Variants in BMP2K observed in about 807,000 individuals in gnomAD.
BMP2K encodes BMP2 inducible kinase.
Under a neutral mutation model 116.0 loss-of-function variants are expected in BMP2K, and 74 were observed. That is an observed-to-expected ratio of 0.64 (90% CI 0.53 to 0.77). The LOEUF is 0.77. Among genes scored for constraint, BMP2K ranks in the 30% least tolerant of loss-of-function variants. BMP2K has a pLI of 0.00. For synonymous variants in BMP2K, 486 were observed against 502.5 expected, an observed-to-expected ratio of 0.97 and a Z score of 0.44; for missense variants, 1,365 against 1,403.6, an observed-to-expected ratio of 0.97 and a Z score of 0.44.
chr4:78,790,992 T>C (rs1449178704), intron 1 of BMP2K, among the ~76,000 whole-genome samples: 1 of 152,186 alleles, frequency 6.6e-6, no homozygotes, highest in African/African-American at 2.4e-5. Context: ...ATCTTTTCTC[T>C]CCCATTCTTT....
chr4:78,877,088 G>A (rs552974603), intron 13 of BMP2K, among the ~76,000 whole-genome samples: 1 of 152,276 alleles, frequency 6.6e-6, no homozygotes, highest in African/African-American at 2.4e-5. Context: ...CATGAATGGA[G>A]CTTAGAGGAC....
chr4:78,841,130 C>T (rs1484722171), intron 3 of BMP2K, among the ~76,000 whole-genome samples: 3 of 152,052 alleles, frequency 2.0e-5, no homozygotes, highest in South Asian at 2.1e-4. Flanking sequence ...GTTCTTTTTG[C>T]TTTAAAATTC....
intron 3 of BMP2K, among the ~76,000 whole-genome samples, chr4:78,841,546 C>G (rs1458364719): frequency 2.0e-5 from 3 of 152,088 alleles, no homozygotes; most frequent in Non-Finnish European, 2.9e-5. Flanking sequence ...CATTTTGACT[C>G]TTTTGATTCC....
At chr4:78,828,369 GCA>G (rs1241461559) in intron 2 of BMP2K, among the ~76,000 whole-genome samples, 1 of 152,166 alleles carries the variant, frequency 6.6e-6, no homozygotes, top group East Asian at 1.9e-4. Flanking sequence ...GCCTCCGTGG[GCA>G]CACCTCCCTC....
intron 15 of BMP2K, among the ~76,000 whole-genome samples, chr4:78,888,347 C>T (rs1490932847): frequency 1.3e-5 from 2 of 152,068 alleles, no homozygotes; most frequent in African/African-American, 4.8e-5. Flanking sequence ...TCCCTTATAC[C>T]CCCAATACCC....
intron 3 of BMP2K, among the ~76,000 whole-genome samples, chr4:78,834,210 G>A (rs1306389648): frequency 2.0e-5 from 3 of 150,876 alleles, no homozygotes; most frequent in African/African-American, 7.3e-5. Context: ...ATATTTACTT[G>A]TATAGCATAC....
At chr4:78,818,936 A>G (rs1371721784) in intron 1 of BMP2K, among the ~76,000 whole-genome samples, 4 of 151,950 alleles carry the variant, frequency 2.6e-5, no homozygotes, top group Non-Finnish European at 5.9e-5. Context: ...TGTTGGGATT[A>G]CAAGTGCATG....
At chr4:78,799,128 G>T (rs1054894181) in intron 1 of BMP2K, among the ~76,000 whole-genome samples, 2 of 152,172 alleles carry the variant, frequency 1.3e-5, no homozygotes, top group Non-Finnish European at 1.5e-5. Context: ...CTGAGGCCAG[G>T]TTCCCTTAGA....
At position 78,870,918 on chromosome 4, in the gene BMP2K, G is replaced by A. The variant is rs374800739; in HGVS notation, c.1367G>A (p.Arg456His). The change falls in exon 11 of 16, where the codon CGT becomes CAT. Residue 456 changes from arginine to histidine, a missense_variant. By Grantham distance (29) the Arg-to-His change is conservative. Transcript: ENST00000502613. Reference protein sequence around the residue: ...WRLQQLHLQHRHPHQQQQQQQ... With the variant: ...WRLQQLHLQHHHPHQQQQQQQ... ...TTACAGCAACTCCATTTACAGCATC[G>A]TCATCCTCACCAGCAGCAGCAGCAG... 39 of 1,610,748 alleles carry A rather than the reference G, an allele frequency of 2.4e-5. No individual in the cohort carries two copies. Among genetic ancestry groups the A allele is most frequent in the Non-Finnish European group, 3.3e-5 (39 of 1,179,366 alleles).
chr4:78,822,392 G>A (rs941656566), intron 1 of BMP2K, among the ~76,000 whole-genome samples: 1 of 151,920 alleles, frequency 6.6e-6, no homozygotes, highest in African/African-American at 2.4e-5. Flanking sequence ...TAAAGAATAT[G>A]CCTATGAATG....
intron 2 of BMP2K, among the ~76,000 whole-genome samples, chr4:78,826,901 T>C (rs551381151): frequency 1.0e-3 from 155 of 152,328 alleles, no homozygotes; most frequent in Admixed American, 3.1e-3. Flanking sequence ...CAAATACTGC[T>C]GGAGCCTTCT....
At chr4:78,825,392 G>C (rs905904856) in intron 1 of BMP2K, among the ~76,000 whole-genome samples, 1 of 152,126 alleles carries the variant, frequency 6.6e-6, no homozygotes. Context: ...ATAGATGACT[G>C]CATTAGGGCT....
At chr4:78,873,334 A>T (rs532947629) in intron 13 of BMP2K, among the ~76,000 whole-genome samples, 1 of 152,236 alleles carries the variant, frequency 6.6e-6, no homozygotes, top group African/African-American at 2.4e-5. Context: ...TAGTAGCGTT[A>T]TAAATTAAAT....
At chr4:78,867,590 C>T (rs1327858869) in intron 10 of BMP2K, among the ~76,000 whole-genome samples, 1 of 152,030 alleles carries the variant, frequency 6.6e-6, no homozygotes, top group Non-Finnish European at 1.5e-5. Context: ...AAAATTAACA[C>T]GTGAGTATTG....
In BMP2K at chr4:78,914,597, T is replaced by C. The variant is rs569805135; in HGVS notation, c.*2564T>C. ...TTATGAGAATAAAGCTCCCAAGATA[T>C]GTGAAAGTGCTTAACACAGTACCTG... On this transcript the variant is annotated 3_prime_UTR_variant, in exon 16 of 16. Coordinates refer to ENST00000502613, the MANE Select transcript of BMP2K (RefSeq NM_198892.2). 2 of 152,080 alleles carry C rather than the reference T, an allele frequency of 1.3e-5. No homozygotes were observed. The highest frequency in any genetic ancestry group is 2.1e-4 in the South Asian group (1 of 4,826). The allele number at this position is 152,080 out of a possible 1,614,324, so 9.4% of individuals were successfully genotyped here.
chr4:78,850,661 T>C (rs925717375), intron 6 of BMP2K, among the ~76,000 whole-genome samples: 2 of 151,922 alleles, frequency 1.3e-5, no homozygotes, highest in African/African-American at 4.8e-5. Context: ...GTTTAATTTT[T>C]TTCCAAAAAG....
intron 6 of BMP2K, among the ~76,000 whole-genome samples, chr4:78,847,730 G>T (rs1405227615): frequency 9.2e-5 from 14 of 151,522 alleles, no homozygotes. Flanking sequence ...TATATTGAGG[G>T]TCTTTATCAT....
rs368925933 is a variant in BMP2K at position 78,910,908 on chromosome 4, C to T, written c.2361C>T (p.Leu787=). The change falls in exon 16 of 16, where the codon CTC becomes CTT. Residue 787 remains leucine (L), a synonymous_variant. Coordinates refer to ENST00000502613, the MANE Select transcript of BMP2K (RefSeq NM_198892.2). ...CAGAAAATCTGGGTCATAGGCCTCT[C>T]CTCATGGATTCTGAAGATGAGGAAG... ...TEPENLGHRP[L]LMDSEDEEEE... 1 of 1,613,774 alleles carries T rather than the reference C, an allele frequency of 6.2e-7. No homozygotes were observed. The highest frequency in any genetic ancestry group is 8.5e-7 in the Non-Finnish European group (1 of 1,179,848).
intron 1 of BMP2K, among the ~76,000 whole-genome samples, chr4:78,801,547 ATC>A (rs1160349005): frequency 1.3e-5 from 2 of 152,014 alleles, no homozygotes; most frequent in Non-Finnish European, 2.9e-5. Context: ...CCCAATTCTG[ATC>A]TTGACTCCTT....
Sources: allele counts gnomAD v4.1 joint callset (sites outside exome capture counted in the v4.1 genomes callset), GRCh38; gene constraint gnomAD v4.1.1; transcripts MANE v1.5; gene names NCBI Gene and HGNC (gene_info 2026-07-23, HGNC 2026-07-21).